TMEM117: variants seen among roughly 807,000 people sequenced by gnomAD.
TMEM117 encodes the protein transmembrane protein 117.
Under a neutral mutation model 52.4 loss-of-function variants are expected in TMEM117, and 27 were observed. The observed-to-expected ratio is 0.51, with a 90% CI of 0.38 to 0.71. The LOEUF (loss-of-function observed/expected upper bound fraction) is 0.71, where lower values mean the gene tolerates loss of function less well. TMEM117 is among the 30% of genes least tolerant of loss of function. The pLI is 0.00. For missense variants in TMEM117, 556 were observed against 630.5 expected (o/e 0.88, Z 1.26); for synonymous variants, 215 against 206.3 (o/e 1.04, Z -0.36).
At chr12:43,898,584 A>G (rs897796882) in intron 2 of TMEM117, among the ~76,000 whole-genome samples, 18 of 152,148 alleles carry the variant, frequency 1.2e-4, no homozygotes, top group Non-Finnish European at 8.8e-5. Flanking sequence ...AGGATACAGG[A>G]AAAAAGTGCC....
At chr12:43,808,588 A>C in the TMEM117 span, among the ~76,000 whole-genome samples, 1 of 152,130 alleles carries the variant, frequency 6.6e-6, no homozygotes, top group East Asian at 1.9e-4. Context: ...TAAATAACAT[A>C]AATGAATGAA....
chr12:44,205,261 G>A (rs563794546), intron 4 of TMEM117, among the ~76,000 whole-genome samples: 6 of 152,228 alleles, frequency 3.9e-5, no homozygotes, highest in East Asian at 1.9e-4. Flanking sequence ...TAAGACTCAC[G>A]AGACCTGATG....
intron 3 of TMEM117, among the ~76,000 whole-genome samples, chr12:44,049,366 G>A (rs1946932143): frequency 6.6e-6 from 1 of 152,070 alleles, no homozygotes; most frequent in African/African-American, 2.4e-5. Flanking sequence ...GCTGAACGAT[G>A]AGAACACATG....
At chr12:43,879,288 A>G (rs1400865250) in intron 2 of TMEM117, among the ~76,000 whole-genome samples, 1 of 152,242 alleles carries the variant, frequency 6.6e-6, no homozygotes, top group Admixed American at 6.5e-5. Flanking sequence ...AGTTTAAAGC[A>G]TTGTATTCAA....
intron 5 of TMEM117, among the ~76,000 whole-genome samples, chr12:44,295,371 ATTTTCTT>A (rs1950755349): frequency 6.6e-6 from 1 of 151,380 alleles, no homozygotes; most frequent in Non-Finnish European, 1.5e-5. Flanking sequence ...GCCTGGCTGA[ATTTTCTT>A]TTTTCTTTTT....
chr12:44,172,531 T>G (rs976862628), intron 4 of TMEM117, among the ~76,000 whole-genome samples: 1 of 152,222 alleles, frequency 6.6e-6, no homozygotes, highest in Non-Finnish European at 1.5e-5. Flanking sequence ...GATTAAGGGC[T>G]CACCTATTCC....
intron 2 of TMEM117, among the ~76,000 whole-genome samples, chr12:43,905,677 A>G (rs1311761766): frequency 6.6e-6 from 1 of 152,186 alleles, no homozygotes; most frequent in Non-Finnish European, 1.5e-5. Context: ...TTGCTCATTT[A>G]ACTTAGGAAA....
At chr12:44,381,492 C>A (rs1952019939) in intron 7 of TMEM117, among the ~76,000 whole-genome samples, 1 of 152,156 alleles carries the variant, frequency 6.6e-6, no homozygotes, top group African/African-American at 2.4e-5. Flanking sequence ...TCTGTCATCG[C>A]AGCCAAAGGA....
At chr12:44,240,531 C>T (rs559278343) in intron 5 of TMEM117, among the ~76,000 whole-genome samples, 13 of 152,154 alleles carry the variant, frequency 8.5e-5, no homozygotes, top group African/African-American at 3.1e-4. Flanking sequence ...CAGTTACCCA[C>T]GACTTCTTCC....
At position 43,906,873 on chromosome 12, in the gene TMEM117, C is replaced by T. The variant is rs1057402347; in HGVS notation, c.278-37337C>T. Among the ~76,000 whole-genome samples, 24 of 152,354 alleles carry T rather than the reference C, an allele frequency of 1.6e-4. 1 individual carries two copies. Among genetic ancestry groups the T allele is most frequent in the African/African-American group, 5.5e-4 (23 of 41,588 alleles). On this transcript the variant is annotated intron_variant, in intron 2 of 7. Coordinates refer to ENST00000266534, the MANE Select transcript of TMEM117 (RefSeq NM_032256.3). ...CCCACGGAGTCTCGCTGATTGCTAGCACAGCAGTCTGAGATCAAACTGCAA... is the reference window on the plus strand; with the variant it reads ...CCCACGGAGTCTCGCTGATTGCTAGTACAGCAGTCTGAGATCAAACTGCAA...
At chr12:44,020,415 G>C (rs1946438796) in intron 3 of TMEM117, among the ~76,000 whole-genome samples, 1 of 152,136 alleles carries the variant, frequency 6.6e-6, no homozygotes, top group African/African-American at 2.4e-5. Context: ...TGGTAGCATG[G>C]CATAGTTCAA....
At chr12:44,148,475 G>T (rs912165179) in intron 4 of TMEM117, among the ~76,000 whole-genome samples, 4 of 152,084 alleles carry the variant, frequency 2.6e-5, no homozygotes, top group Non-Finnish European at 5.9e-5. Context: ...GTATTTTTTA[G>T]AAATATATTT....
At chr12:43,876,113 C>G (rs1943790861) in intron 2 of TMEM117, among the ~76,000 whole-genome samples, 1 of 152,224 alleles carries the variant, frequency 6.6e-6, no homozygotes, top group South Asian at 2.1e-4. Context: ...CCTTCATGAT[C>G]TGCATGGTAT....
chr12:44,157,673 G>T (rs536645648), intron 4 of TMEM117, among the ~76,000 whole-genome samples: 1 of 152,136 alleles, frequency 6.6e-6, no homozygotes, highest in East Asian at 1.9e-4. Flanking sequence ...TCTGCTTATA[G>T]AAATTAAAAT....
chr12:43,808,278 C>T, the TMEM117 span, among the ~76,000 whole-genome samples: 2 of 152,214 alleles, frequency 1.3e-5, no homozygotes, highest in Non-Finnish European at 2.9e-5. Flanking sequence ...CCTACACTTT[C>T]CAAATTGACA....
In TMEM117 at chr12:44,160,716, C is replaced by T. The variant is rs527419937; in HGVS notation, c.510+17092C>T. On this transcript the variant is annotated intron_variant, in intron 4 of 7. Transcript: ENST00000266534. ...ACTAGGGAGGCTGAGGTGAGAGGATCGCTTGTGCCTAGGAGTTTGAGGCTG... is the reference window on the plus strand; with the variant it reads ...ACTAGGGAGGCTGAGGTGAGAGGATTGCTTGTGCCTAGGAGTTTGAGGCTG... Among the ~76,000 whole-genome samples, 75 of 152,190 alleles carry T rather than the reference C, an allele frequency of 4.9e-4. 1 individual carries two copies. The highest frequency in any genetic ancestry group is 1.7e-3 in the South Asian group (8 of 4,820).
At chr12:44,011,820 A>G (rs952429657) in intron 3 of TMEM117, among the ~76,000 whole-genome samples, 3 of 152,180 alleles carry the variant, frequency 2.0e-5, no homozygotes, top group Non-Finnish European at 4.4e-5. Flanking sequence ...TGTTATACCA[A>G]ACTTCGTTTT....
At chr12:44,196,761 A>C (rs2138357123) in intron 4 of TMEM117, among the ~76,000 whole-genome samples, 1 of 152,316 alleles carries the variant, frequency 6.6e-6, no homozygotes, top group South Asian at 2.1e-4. Context: ...ATAACATTAT[A>C]ATTATATCTG....
At chr12:44,129,021 T>C (rs976340266) in intron 3 of TMEM117, among the ~76,000 whole-genome samples, 10 of 152,164 alleles carry the variant, frequency 6.6e-5, no homozygotes, top group Admixed American at 5.2e-4. Context: ...CCATTCTGAT[T>C]ATTCTTCTAC....
Sources: allele counts gnomAD v4.1 joint callset (sites outside exome capture counted in the v4.1 genomes callset), GRCh38; gene constraint gnomAD v4.1.1; transcripts MANE v1.5; gene names NCBI Gene and HGNC (gene_info 2026-07-23, HGNC 2026-07-21).